GRINA: variants seen among roughly 807,000 people sequenced by gnomAD.
GRINA encodes glutamate ionotropic receptor NMDA type subunit associated protein 1, also known as protein lifeguard 1.
GRINA carries 26 observed loss-of-function variants against 42.5 expected under a neutral mutation model. That is an observed-to-expected ratio of 0.61 (90% CI 0.45 to 0.85). The LOEUF is 0.85. GRINA is among the 40% of genes least tolerant of loss of function. GRINA has a pLI of 0.00. For missense variants in GRINA, 475 were observed against 481.5 expected (o/e 0.99, Z 0.13); for synonymous variants, 256 against 204.2 (o/e 1.25, Z -2.17).
rs781792406 is a variant in GRINA at position 143,991,928 on chromosome 8, T to C, written c.543T>C (p.Ser181=). The C allele has an allele frequency of 1.2e-6, 2 of 1,613,750 alleles. No individual in the cohort carries two copies. Among genetic ancestry groups the C allele is most frequent in the Non-Finnish European group, 1.7e-6 (2 of 1,179,790 alleles). ...TGTCGGTGACCCTGTCCACGGTGTCTGTGTTCACTTTTGTTGCGGAGGTGA... is the reference window on the plus strand; with the variant it reads ...TGTCGGTGACCCTGTCCACGGTGTCCGTGTTCACTTTTGTTGCGGAGGTGA... The part of the protein sequence containing the change: ...LQLSVTLSTV[S]VFTFVAEVKG... The change falls in exon 4 of 7, where the codon TCT becomes TCC. Residue 181 remains serine, a synonymous_variant. Transcript: ENST00000395068.
chr8:143,991,057 G>T, intron 1 of GRINA, 143 bp from the exon 2 acceptor site: 1 of 501,038 alleles, frequency 2.0e-6, no homozygotes, highest in East Asian at 3.4e-5. Context: ...CCAGGCTCCG[G>T]GGCTCCCCAC....
rs1328047054 is a variant in GRINA at position 143,992,386 on chromosome 8, C to A, written c.822+13C>A. 1.2e-6 allele frequency: 2 copies of A among 1,608,146 alleles called. No homozygotes were observed. The highest frequency in any genetic ancestry group is 2.7e-5 in the African/African-American group (2 of 74,848). ...CTTCTCCATGCAGGTGAGGGGCCTC[C>A]CGTGGCTGGGCTGTGGCCGCAGGGG... is the stretch of plus-strand genomic sequence containing the variant. On this transcript the variant is annotated intron_variant, in intron 5 of 6. Transcript: ENST00000395068.
chr8:143,991,803 A>G lies in GRINA; in HGVS notation c.491A>G (p.Lys164Arg). The change falls in exon 3 of 7, where the codon AAG becomes AGG. Residue 164 changes from lysine (K) to arginine (R), a missense_variant and splice_region_variant. By Grantham distance (26) the Lys-to-Arg change is conservative. Coordinates refer to ENST00000395068, the MANE Select transcript of GRINA (RefSeq NM_001009184.2). ...DKSIRQAFIR[K>R]VFLVLTLQLS... is the part of the protein sequence containing the mutation. ...AGCATCCGACAGGCCTTCATCCGCA[A>G]GGTGGGTAGGGGCATCTCCAAGGCG... 1 of 1,611,894 alleles carries G rather than the reference A, an allele frequency of 6.2e-7. No individual in the cohort carries two copies. The highest frequency in any genetic ancestry group is 8.5e-7 in the Non-Finnish European group (1 of 1,178,012).
rs782051621 is a variant in GRINA at position 143,991,294 on chromosome 8, G to C, written c.71G>C (p.Gly24Ala). ...YPPPNPGYPG[G>A]PQPPMPPYAQ... ...CCCCCCAACCCTGGATATCCGGGGGGGCCCCAGCCACCCATGCCCCCCTAT... is the reference window on the plus strand; with the variant it reads ...CCCCCCAACCCTGGATATCCGGGGGCGCCCCAGCCACCCATGCCCCCCTAT... The change falls in exon 2 of 7, where the codon GGG becomes GCG. Residue 24 changes from glycine to alanine, a missense_variant. By Grantham distance (60) the Gly-to-Ala change is moderately conservative (BLOSUM62 0). Around this residue, in one of 2 missense-constraint regions of GRINA, gnomAD observed 321 missense variants for 267.2 expected, o/e 1.20. Coordinates refer to ENST00000395068, the MANE Select transcript of GRINA (RefSeq NM_001009184.2). 6 of 1,477,678 alleles carry C rather than the reference G, an allele frequency of 4.1e-6. No individual in the cohort carries two copies. The highest frequency in any genetic ancestry group is 5.5e-6 in the Non-Finnish European group (6 of 1,093,416). 91.5% of individuals were successfully genotyped at this position (1,477,678 alleles called of 1,614,324 possible). A position where few individuals can be genotyped will look rare whatever the true frequency, so the allele number is the denominator to read the frequency against.
In GRINA at chr8:143,990,323, G is replaced by T. The variant is rs1355024352; in HGVS notation, c.-25+124G>T. On this transcript the variant is annotated intron_variant, in intron 1 of 6. Transcript: ENST00000395068. The surrounding 1 kb of genome is among the most constrained non-coding windows in gnomAD (Gnocchi z 5.6). ...CGTGGCCGCCTCGGGTCAGTAAGTTGGTCCGGCCGGGGCGCGCGGCAGCTC... is the reference window on the plus strand; with the variant it reads ...CGTGGCCGCCTCGGGTCAGTAAGTTTGTCCGGCCGGGGCGCGCGGCAGCTC... 1.3e-5 allele frequency: 2 copies of T among 150,378 alleles called. No individual in the cohort carries two copies. Among genetic ancestry groups the T allele is most frequent in the Non-Finnish European group, 3.0e-5 (2 of 67,264 alleles). The allele number at this position is 150,378 out of a possible 1,614,324, so 9.3% of individuals were successfully genotyped here.
Position 143,991,510 on chromosome 8 carries a change from A to C in GRINA, c.287A>C (p.Gln96Pro). The C allele has an allele frequency of 6.5e-7, 1 of 1,542,060 alleles. No individual in the cohort carries two copies. The highest frequency in any genetic ancestry group is 1.2e-5 in the South Asian group (1 of 83,360). ...QEGYPQGPYP[Q>P]GGYPQGPYPQ... ...GGCTACCCACAGGGCCCCTACCCCC[A>C]AGGGGGCTACCCCCAGGGGCCATAT... The change falls in exon 2 of 7, where the codon CAA becomes CCA. Residue 96 changes from glutamine to proline, a missense_variant. Coordinates refer to ENST00000395068, the MANE Select transcript of GRINA (RefSeq NM_001009184.2).
chr8:143,992,402 G>C, intron 5 of GRINA, 29 bp downstream of exon 5: 3 of 1,610,528 alleles, frequency 1.9e-6, no homozygotes, highest in Non-Finnish European at 1.7e-6. Flanking sequence ...CTGGGCTGTG[G>C]CCGCAGGGGC....
chr8:143,991,209 G>T lies in GRINA; in HGVS notation c.-15G>T. Reference sequence around the variant, plus strand: ...TGTCTGTCTTCTCTAGGGGCGGACCGCGGAACCCGAGGCCATGTCCCATGA... The same window carrying T: ...TGTCTGTCTTCTCTAGGGGCGGACCTCGGAACCCGAGGCCATGTCCCATGA... On this transcript the variant is annotated 5_prime_UTR_variant, in exon 2 of 7. Coordinates refer to ENST00000395068, the MANE Select transcript of GRINA (RefSeq NM_001009184.2). 1 of 1,556,194 alleles carries T rather than the reference G, an allele frequency of 6.4e-7. No homozygotes were observed. Among genetic ancestry groups the T allele is most frequent in the Non-Finnish European group, 8.7e-7 (1 of 1,151,278 alleles).
chr8:143,991,745 C>G lies in GRINA; in HGVS notation c.433C>G (p.Gln145Glu), dbSNP rs1834101426. Residue 145 changes from glutamine to glutamate, a missense_variant, in exon 3 of 7, where the codon CAG becomes GAG. Physicochemically the swap from Gln to Glu is conservative, Grantham distance 29. This residue lies in a region of GRINA where 321 missense variants were observed against 267.2 expected (regional missense o/e 1.20). Transcript: ENST00000395068. ...GGGTCCCCCATCCTACTATGACAAC[C>G]AGGACTTCCCTGCCACCAACTGGGA... ...EEGPPSYYDN[Q>E]DFPATNWDDK... The G allele has an allele frequency of 6.2e-7, 1 of 1,613,860 alleles. No individual in the cohort carries two copies.
chr8:143,992,205 G>A, intron 4 of GRINA, 40 bp from the exon 5 acceptor site: 2 of 1,601,774 alleles, frequency 1.2e-6, no homozygotes, highest in Non-Finnish European at 1.7e-6. Flanking sequence ...GGTGGCATGG[G>A]GGCACACACC....
In GRINA at chr8:143,993,166, G is replaced by C. The variant is rs375516448; in HGVS notation, c.*325G>C. ...GACTGGGGGCAGCACCAGGTCCCGG[G>C]GAGAGGGATTGAGCCAAGAGGTGAG... is the stretch of plus-strand genomic sequence containing the variant. On this transcript the variant is annotated 3_prime_UTR_variant, in exon 7 of 7. Transcript: ENST00000395068. The C allele has an allele frequency of 2.9e-6, 1 of 341,258 alleles. No homozygotes were observed. Among genetic ancestry groups the C allele is most frequent in the Non-Finnish European group, 5.5e-6 (1 of 180,300 alleles). 21.1% of individuals were successfully genotyped at this position (341,258 alleles called of 1,614,324 possible).
Position 143,991,982 on chromosome 8 carries a change from C to G in GRINA, c.597C>G (p.Thr199=). The G allele has an allele frequency of 6.2e-7, 1 of 1,613,552 alleles. No individual in the cohort carries two copies. The highest frequency in any genetic ancestry group is 1.1e-5 in the South Asian group (1 of 91,074). The change falls in exon 4 of 7, where the codon ACC becomes ACG. Residue 199 remains threonine (T), a synonymous_variant. Transcript: ENST00000395068. ...VKGFVRENVW[T]YYVSYAVFFI... ...GCTTTGTCCGGGAGAATGTCTGGAC[C>G]TACTATGTCTCCTATGCTGTCTTCT...
Position 143,992,938 on chromosome 8 carries a change from C to A in GRINA, c.*97C>A. 1.9e-6 allele frequency: 2 copies of A among 1,030,158 alleles called. No homozygotes were observed. Among genetic ancestry groups the A allele is most frequent in the Non-Finnish European group, 2.9e-6 (2 of 697,862 alleles). The allele number at this position is 1,030,158 out of a possible 1,614,324, so 63.8% of individuals were successfully genotyped here. ...CAGCTGTACTTCCCCTCTCTCTTGTCCCCAGGCACAGCCTAGGGAAAAGGA... is the reference window on the plus strand; with the variant it reads ...CAGCTGTACTTCCCCTCTCTCTTGTACCCAGGCACAGCCTAGGGAAAAGGA... On this transcript the variant is annotated 3_prime_UTR_variant, in exon 7 of 7. Coordinates refer to ENST00000395068, the MANE Select transcript of GRINA (RefSeq NM_001009184.2).
chr8:143,992,084 C>T lies in GRINA; in HGVS notation c.693+6C>T, dbSNP rs782466380. The T allele has an allele frequency of 3.1e-6, 5 of 1,613,022 alleles. No homozygotes were observed. The highest frequency in any genetic ancestry group is 4.2e-6 in the Non-Finnish European group (5 of 1,179,100). Reference sequence around the variant, plus strand: ...CCTGGAACCTTGTTGCACTGGTAACCCCCAAACCTGAGCCTCTGTGCCTGG... The same window carrying T: ...CCTGGAACCTTGTTGCACTGGTAACTCCCAAACCTGAGCCTCTGTGCCTGG... On this transcript the variant is annotated splice_donor_region_variant and intron_variant, in intron 4 of 6. Transcript: ENST00000395068.
Position 143,991,984 on chromosome 8 carries a change from A to G in GRINA, c.599A>G (p.Tyr200Cys), listed in dbSNP as rs782203530. 1 of 1,613,646 alleles carries G rather than the reference A, an allele frequency of 6.2e-7. No homozygotes were observed. Among genetic ancestry groups the G allele is most frequent in the Non-Finnish European group, 8.5e-7 (1 of 1,179,728 alleles). Residue 200 changes from tyrosine to cysteine, a missense_variant, in exon 4 of 7, where the codon TAC becomes TGC. By Grantham distance (194) the Tyr-to-Cys change is radical. This residue lies in a region of GRINA where 321 missense variants were observed against 267.2 expected (regional missense o/e 1.20). Transcript: ENST00000395068. Reference sequence around the variant, plus strand: ...TTTGTCCGGGAGAATGTCTGGACCTACTATGTCTCCTATGCTGTCTTCTTC... The same window carrying G: ...TTTGTCCGGGAGAATGTCTGGACCTGCTATGTCTCCTATGCTGTCTTCTTC... ...KGFVRENVWT[Y>C]YVSYAVFFIS...
rs370897222 is a variant in GRINA, at chr8:143,992,861, G to T, written c.*20G>T. The T allele has an allele frequency of 1.2e-6, 2 of 1,609,828 alleles. No homozygotes were observed. Among genetic ancestry groups the T allele is most frequent in the Non-Finnish European group, 8.5e-7 (1 of 1,178,100 alleles). Reference sequence around the variant, plus strand: ...GAGTAGCCGAGCTCCAGCTCGCTGTGCCCGCTCAGGTGGCACGGCTGGCCT... The same window carrying T: ...GAGTAGCCGAGCTCCAGCTCGCTGTTCCCGCTCAGGTGGCACGGCTGGCCT... On this transcript the variant is annotated 3_prime_UTR_variant, in exon 7 of 7. Transcript: ENST00000395068.
chr8:143,991,635 G>C, intron 2 of GRINA, 33 bp downstream of exon 2: 1 of 1,592,482 alleles, frequency 6.3e-7, no homozygotes, highest in Non-Finnish European at 8.6e-7. Context: ...TGGGGTGGCC[G>C]GGAGGGCAGG....
chr8:143,991,519 AC>A lies in GRINA; in HGVS notation c.301del (p.Gln101ArgfsTer67). 1 of 1,541,750 alleles carries A rather than the reference AC, an allele frequency of 6.5e-7. No homozygotes were observed. The highest frequency in any genetic ancestry group is 8.8e-7 in the Non-Finnish European group (1 of 1,140,464). ...CAGGGCCCCTACCCCCAAGGGGGCT[AC>A]CCCCAGGGGCCATATCCCCAGAGCC... The part of the protein sequence containing the change: ...YPQGPYPQGG[Y>X]PQGPYPQSPF... On this transcript the variant is annotated frameshift_variant, in exon 2 of 7. Coordinates refer to ENST00000395068, the MANE Select transcript of GRINA (RefSeq NM_001009184.2). LOFTEE classifies it high-confidence loss of function.
chr8:143,991,157 C>T (rs1355082893), intron 1 of GRINA, 43 bp from the exon 2 acceptor site: 3 of 1,149,676 alleles, frequency 2.6e-6, no homozygotes, highest in Non-Finnish European at 3.7e-6. Context: ...CCGACGCTGT[C>T]GTCAAGCCAA....
Sources: gnomAD v4.1 joint callset for allele counts on GRCh38, gnomAD v4.1.1 for gene constraint, gnomAD v4.1.1 regional missense constraint, Gnocchi (gnomAD v3.1) non-coding constraint, MANE v1.5 for transcripts, NCBI Gene and HGNC (gene_info 2026-07-23, HGNC 2026-07-21) for gene names.